The following MEIG1 variants were observed in gnomAD, a reference collection of about 807,000 sequenced individuals.
The protein encoded by MEIG1 is meiosis/spermiogenesis associated 1.
MEIG1 carries 12 observed loss-of-function variants against 11.3 expected under a neutral mutation model. The observed-to-expected ratio is 1.07, with a 90% CI of 0.68 to 1.73. The LOEUF (loss-of-function observed/expected upper bound fraction) is 1.73, where lower values mean the gene tolerates loss of function less well. Ranked by LOEUF, MEIG1 falls within the 40% of genes most tolerant of loss-of-function variation. MEIG1 has a pLI of 0.00. For missense variants in MEIG1, 119 were observed against 104.9 expected (o/e 1.13, Z -0.59); for synonymous variants, 41 against 33.2 (o/e 1.24, Z -0.81).
chr10:14,973,827 A>G (rs920689308), downstream of MEIG1, among the ~76,000 whole-genome samples: 1 of 151,896 alleles, frequency 6.6e-6, no homozygotes, highest in Non-Finnish European at 1.5e-5. Context: ...AATGATGAAA[A>G]GTATGGTCAT....
At chr10:14,983,916 G>A (rs754265811) in intron 1 of MEIG1, among the ~76,000 whole-genome samples, 3 of 152,020 alleles carry the variant, frequency 2.0e-5, no homozygotes, top group East Asian at 1.9e-4. Context: ...ATCGCATGGG[G>A]TGGACATGCC....
intron 1 of MEIG1, among the ~76,000 whole-genome samples, chr10:14,963,005 A>G (rs1161797021): frequency 1.3e-5 from 2 of 151,780 alleles, no homozygotes; most frequent in Non-Finnish European, 1.5e-5. Flanking sequence ...CTCGTGATCC[A>G]CCCACTTCAG....
chr10:14,984,151 G>C (rs755355362), intron 1 of MEIG1, among the ~76,000 whole-genome samples: 10 of 151,936 alleles, frequency 6.6e-5, no homozygotes, highest in South Asian at 2.1e-4. Flanking sequence ...GTGTGACCAC[G>C]GTGGATCGTC....
At chr10:14,981,057 A>G (rs1463951935) in intron 1 of MEIG1, among the ~76,000 whole-genome samples, 2 of 152,122 alleles carry the variant, frequency 1.3e-5, no homozygotes, top group African/African-American at 2.4e-5. Flanking sequence ...ACAAGGAAGT[A>G]TCATTCCACA....
chr10:14,964,408 G>A (rs59632740), intron 1 of MEIG1, among the ~76,000 whole-genome samples: 1 of 151,738 alleles, frequency 6.6e-6, no homozygotes, highest in East Asian at 1.9e-4. Flanking sequence ...TTTATGTCTT[G>A]TAAAAGCATT....
chr10:14,954,253 C>T, the MEIG1 span: 1 of 619,178 alleles, frequency 1.6e-6, no homozygotes, highest in Non-Finnish European at 2.8e-6. Flanking sequence ...GGGCCCTGAG[C>T]CCTGCCCAGT....
intron 2 of MEIG1, among the ~76,000 whole-genome samples, chr10:14,968,991 T>C (rs1307616181): frequency 6.6e-6 from 1 of 152,080 alleles, no homozygotes; most frequent in Non-Finnish European, 1.5e-5. Flanking sequence ...GGCAGGAGAA[T>C]CACTTGAAAC....
chr10:14,971,812 T>C (rs1320179567), intron 2 of MEIG1, among the ~76,000 whole-genome samples: 1 of 152,144 alleles, frequency 6.6e-6, no homozygotes, highest in South Asian at 2.1e-4. Flanking sequence ...GGCCACAGTA[T>C]TGAAATTTAA....
At chr10:14,965,075 T>G (rs1199483813) in intron 1 of MEIG1, among the ~76,000 whole-genome samples, 3 of 144,398 alleles carry the variant, frequency 2.1e-5, no homozygotes, top group Non-Finnish European at 4.6e-5. Flanking sequence ...CGAGCCACCA[T>G]GTCCAGCCTT....
chr10:14,985,125 C>T (rs141701388), intron 1 of MEIG1, among the ~76,000 whole-genome samples: 1 of 151,986 alleles, frequency 6.6e-6, no homozygotes, highest in African/African-American at 2.4e-5. Flanking sequence ...TAATGTCACA[C>T]GGGGTGTACA....
At chr10:14,985,274 G>A (rs1843307657) in intron 1 of MEIG1, among the ~76,000 whole-genome samples, 1 of 151,884 alleles carries the variant, frequency 6.6e-6, no homozygotes, top group African/African-American at 2.4e-5. Context: ...TACACCCTGT[G>A]ATATGACTCG....
At chr10:14,956,959 G>A (rs1037421651), upstream of MEIG1, among the ~76,000 whole-genome samples, 2 of 152,136 alleles carry the variant, frequency 1.3e-5, no homozygotes, top group East Asian at 1.9e-4. Context: ...GGGAGCTGAG[G>A]CACAAGAATC....
intron 1 of MEIG1, among the ~76,000 whole-genome samples, chr10:14,980,856 G>GC (rs1843256111): frequency 6.6e-6 from 1 of 152,144 alleles, no homozygotes; most frequent in Non-Finnish European, 1.5e-5. Context: ...AGGAAAGAAA[G>GC]CGTCTTTCAG....
intron 1 of MEIG1, among the ~76,000 whole-genome samples, chr10:14,964,564 A>AGT (rs151283080): frequency 0.036 from 3,803 of 104,300 alleles, 94 homozygotes; most frequent in East Asian, 0.042. Context: ...TGTATATAAG[A>AGT]GTGTGTGTGT....
intron 1 of MEIG1, among the ~76,000 whole-genome samples, chr10:14,963,567 T>C (rs1025908415): frequency 6.6e-6 from 1 of 152,218 alleles, no homozygotes; most frequent in Non-Finnish European, 1.5e-5. Flanking sequence ...AGTGGAGTAG[T>C]GAACTTCCCA....
At chr10:14,987,012 G>A (rs1330327922) in exon 2 of MEIG1, 3 of 645,290 alleles carry the variant, frequency 4.6e-6, no homozygotes, top group East Asian at 1.3e-4. Context: ...AGAAGACACA[G>A]AGGTGAGGAT....
At chr10:14,976,893 G>T (rs953049855), downstream of MEIG1, among the ~76,000 whole-genome samples, 1 of 151,916 alleles carries the variant, frequency 6.6e-6, no homozygotes, top group Non-Finnish European at 1.5e-5. Context: ...TTCACAATGC[G>T]TGTACACACT....
chr10:14,956,915 G>A (rs1226159717), upstream of MEIG1, among the ~76,000 whole-genome samples: 1 of 152,110 alleles, frequency 6.6e-6, no homozygotes, highest in African/African-American at 2.4e-5. Context: ...AGAATTAGCC[G>A]GGTGTGGTGG....
At chr10:14,985,211 G>C (rs141703785) in intron 1 of MEIG1, among the ~76,000 whole-genome samples, 2 of 151,670 alleles carry the variant, frequency 1.3e-5, no homozygotes, top group Admixed American at 6.6e-5. Flanking sequence ...GTACATCCTG[G>C]GATGTTATTC....
Sources: allele counts gnomAD v4.1 joint callset (sites outside exome capture counted in the v4.1 genomes callset), GRCh38; gene constraint gnomAD v4.1.1; transcripts MANE v1.5; gene names NCBI Gene and HGNC (gene_info 2026-07-23, HGNC 2026-07-21).